Variants in ZBTB20 observed in about 807,000 individuals in gnomAD.
The protein encoded by ZBTB20 is zinc finger and BTB domain-containing protein 20.
Under a neutral mutation model 56.9 loss-of-function variants are expected in ZBTB20, and 9 were observed. That is an observed-to-expected ratio of 0.16 (90% CI 0.10 to 0.28). The LOEUF is 0.28. Ranked by LOEUF, ZBTB20 falls within the 10% of genes least tolerant of loss-of-function variation. The probability of loss-of-function intolerance (pLI) is 1.00; values close to 1 mark genes in which losing one functional copy is unlikely to be tolerated. For synonymous variants in ZBTB20, 417 were observed against 420.7 expected, an observed-to-expected ratio of 0.99 and a Z score of 0.11; for missense variants, 655 against 1,003.0, an observed-to-expected ratio of 0.65 and a Z score of 4.69.
chr3:114,979,119 T>C (rs1470628847), intron 2 of ZBTB20, among the ~76,000 whole-genome samples: 1 of 152,046 alleles, frequency 6.6e-6, no homozygotes, highest in Non-Finnish European at 1.5e-5. Context: ...ATTAGGTTCC[T>C]AGCAACCAAA....
intron 6 of ZBTB20, among the ~76,000 whole-genome samples, chr3:114,612,395 T>C (rs952348981): frequency 2.6e-5 from 4 of 152,192 alleles, no homozygotes; most frequent in Non-Finnish European, 5.9e-5. Context: ...GGTATTGTGT[T>C]TCTGATAGTA....
At chr3:114,549,011 G>A (rs146962541) in intron 6 of ZBTB20, among the ~76,000 whole-genome samples, 6 of 152,232 alleles carry the variant, frequency 3.9e-5, no homozygotes, top group Non-Finnish European at 8.8e-5. Context: ...ACATATGAAA[G>A]CCTCTTAATA....
chr3:114,347,184 C>G (rs1247748986), intron 11 of ZBTB20, among the ~76,000 whole-genome samples: 1 of 138,224 alleles, frequency 7.2e-6, no homozygotes, highest in African/African-American at 2.7e-5. Flanking sequence ...TCCTGAGTAT[C>G]TGGGACTATT....
rs149906344 is a variant in ZBTB20 at position 115,071,930 on chromosome 3, A to G, written c.-702-516T>C. Among the ~76,000 whole-genome samples, 1,078 of 152,288 alleles carry G rather than the reference A, an allele frequency of 7.1e-3. 6 individuals carry two copies. Among genetic ancestry groups the G allele is most frequent in the Non-Finnish European group, 0.012 (824 of 68,004 alleles). On this transcript the variant is annotated intron_variant, in intron 1 of 11. Transcript: ENST00000675478. Reference sequence around the variant, plus strand: ...GGGTTTAGCTTGCAGCTGGTCATGCATGCCAGAGGGATGTGCCACGAGGAT... The same window carrying G: ...GGGTTTAGCTTGCAGCTGGTCATGCGTGCCAGAGGGATGTGCCACGAGGAT...
chr3:115,140,950 T>C lies in ZBTB20; in HGVS notation c.-703+6269A>G, dbSNP rs114609058. Among the ~76,000 whole-genome samples the C allele has an allele frequency of 2.7e-3, 410 of 152,264 alleles. 1 individual carries two copies. Among genetic ancestry groups the C allele is most frequent in the African/African-American group, 9.6e-3 (398 of 41,556 alleles). On this transcript the variant is annotated intron_variant, in intron 1 of 11. Coordinates refer to ENST00000675478, the MANE Select transcript of ZBTB20 (RefSeq NM_001348800.3). ...TGCTTTGTTTGACTATAGTTCTGTTTACCTCATACTGTCAAGAATGGATTT... is the reference window on the plus strand; with the variant it reads ...TGCTTTGTTTGACTATAGTTCTGTTCACCTCATACTGTCAAGAATGGATTT...
At chr3:114,666,655 G>A (rs1053302894) in intron 6 of ZBTB20, among the ~76,000 whole-genome samples, 1 of 152,014 alleles carries the variant, frequency 6.6e-6, no homozygotes, top group African/African-American at 2.4e-5. Context: ...GGATTGGTAA[G>A]TTGCTGAAGA....
chr3:114,511,497 T>C (rs533248257), intron 6 of ZBTB20, among the ~76,000 whole-genome samples: 1 of 152,124 alleles, frequency 6.6e-6, no homozygotes, highest in Non-Finnish European at 1.5e-5. Context: ...GTGTAGCAAA[T>C]TGGTTCACCT....
chr3:114,613,112 T>C (rs2107702349), intron 6 of ZBTB20, among the ~76,000 whole-genome samples: 1 of 152,290 alleles, frequency 6.6e-6, no homozygotes, highest in African/African-American at 2.4e-5. Flanking sequence ...AACATGGTTC[T>C]AGTGTGGTGT....
intron 4 of ZBTB20, among the ~76,000 whole-genome samples, chr3:114,891,904 G>A (rs897648259): frequency 2.6e-5 from 4 of 152,016 alleles, no homozygotes; most frequent in Non-Finnish European, 4.4e-5. Flanking sequence ...AAAACTAGAC[G>A]GGTGTGGTGG....
chr3:115,085,538 AT>A (rs1379016891), intron 1 of ZBTB20, among the ~76,000 whole-genome samples: 5 of 151,984 alleles, frequency 3.3e-5, no homozygotes, highest in African/African-American at 1.2e-4. Context: ...GCAAAAACTA[AT>A]TTGTGGCTAA....
intron 5 of ZBTB20, among the ~76,000 whole-genome samples, chr3:114,732,175 A>G (rs2065809707): frequency 1.3e-5 from 2 of 152,154 alleles, no homozygotes; most frequent in South Asian, 4.1e-4. Flanking sequence ...TTGCCTTTCT[A>G]TACTTTCTGT....
chr3:114,550,104 AT>A (rs201744518), intron 6 of ZBTB20, among the ~76,000 whole-genome samples: 7,685 of 151,700 alleles, frequency 0.051, 256 homozygotes, highest in South Asian at 0.085. Flanking sequence ...TGCCTAGCTA[AT>A]TTTTTTGTAT....
At chr3:114,801,984 A>AT (rs2071755093) in intron 4 of ZBTB20, among the ~76,000 whole-genome samples, 1 of 151,932 alleles carries the variant, frequency 6.6e-6, no homozygotes, top group Admixed American at 6.6e-5. Flanking sequence ...ATATTATACT[A>AT]TTTTTTGAAT....
At chr3:115,057,232 G>A (rs942713998) in intron 2 of ZBTB20, among the ~76,000 whole-genome samples, 22 of 151,724 alleles carry the variant, frequency 1.5e-4, no homozygotes, top group Admixed American at 1.2e-3. Context: ...CTTTAACTTC[G>A]TATTTCTTTT....
chr3:114,843,290 A>G (rs1417790658), intron 4 of ZBTB20, among the ~76,000 whole-genome samples: 1 of 152,206 alleles, frequency 6.6e-6, no homozygotes, highest in East Asian at 1.9e-4. Flanking sequence ...CATACCATGT[A>G]GGCAGGCCCT....
intron 4 of ZBTB20, among the ~76,000 whole-genome samples, chr3:114,807,104 A>C (rs1162759112): frequency 1.3e-5 from 2 of 151,982 alleles, no homozygotes; most frequent in Admixed American, 1.3e-4. Context: ...TTTTAGGATT[A>C]GCTTGTCAAT....
At chr3:114,830,231 T>G (rs1346292406) in intron 4 of ZBTB20, among the ~76,000 whole-genome samples, 1 of 151,862 alleles carries the variant, frequency 6.6e-6, no homozygotes, top group Non-Finnish European at 1.5e-5. Context: ...TAAGCCAAAT[T>G]CTGAACTTAC....
At chr3:114,738,602 T>C (rs548541247) in intron 5 of ZBTB20, among the ~76,000 whole-genome samples, 2 of 152,204 alleles carry the variant, frequency 1.3e-5, no homozygotes, top group Non-Finnish European at 2.9e-5. Context: ...GTGCATTAAA[T>C]AGACTGTTCA....
At chr3:115,049,865 T>C (rs1242500792) in intron 2 of ZBTB20, among the ~76,000 whole-genome samples, 2 of 152,244 alleles carry the variant, frequency 1.3e-5, no homozygotes, top group East Asian at 1.9e-4. Flanking sequence ...TCTGCTAGAA[T>C]AGTTAAAAAT....
Sources: allele counts gnomAD v4.1 joint callset (sites outside exome capture counted in the v4.1 genomes callset), GRCh38; gene constraint gnomAD v4.1.1; transcripts MANE v1.5; gene names NCBI Gene and HGNC (gene_info 2026-07-23, HGNC 2026-07-21).